TPPP2: variants seen among roughly 807,000 people sequenced by gnomAD.
The protein encoded by TPPP2 is tubulin polymerization-promoting protein family member 2.
In TPPP2, 8 loss-of-function variants were observed where a neutral mutation model predicts 13.0. The observed-to-expected ratio is 0.62, with a 90% confidence interval of 0.36 to 1.11. The LOEUF (loss-of-function observed/expected upper bound fraction) is 1.11. Ranked by LOEUF, TPPP2 falls within the 50% of genes most tolerant of loss-of-function variation. TPPP2 has a pLI of 0.02. For synonymous variants in TPPP2, 81 were observed against 81.8 expected, an observed-to-expected ratio of 0.99 and a Z score of 0.05; for missense variants, 213 against 216.9, an observed-to-expected ratio of 0.98 and a Z score of 0.11.
chr14:21,027,187 G>C (rs1186635621), upstream of TPPP2, among the ~76,000 whole-genome samples: 4 of 152,142 alleles, frequency 2.6e-5, no homozygotes, highest in African/African-American at 4.8e-5. Context: ...CAGAAGTAAG[G>C]CTGGTTCTCC....
chr14:21,031,401 T>G (rs781034623), intron 3 of TPPP2: 36 of 520,952 alleles, frequency 6.9e-5, no homozygotes, highest in Non-Finnish European at 1.0e-4. Flanking sequence ...GTCTAGTATC[T>G]GAGCCAGGCA....
At chr14:21,035,544 T>C (rs1310270575), downstream of TPPP2, among the ~76,000 whole-genome samples, 1 of 152,172 alleles carries the variant, frequency 6.6e-6, no homozygotes, top group East Asian at 1.9e-4. Context: ...TCTTCCAGAT[T>C]TGGGGCCTCC....
chr14:21,032,251 C>T lies in TPPP2; in HGVS notation c.*174C>T. On this transcript the variant is annotated 3_prime_UTR_variant, in exon 4 of 4. Transcript: ENST00000321760. ...GAGGCAGCACAGGAGGGTGGGTTCTCCACCACACACCCTTCGCTCTGCTTA... is the reference window on the plus strand; with the variant it reads ...GAGGCAGCACAGGAGGGTGGGTTCTTCACCACACACCCTTCGCTCTGCTTA... 1 of 719,016 alleles carries T rather than the reference C, an allele frequency of 1.4e-6. No homozygotes were observed. Among genetic ancestry groups the T allele is most frequent in the Admixed American group, 2.0e-5 (1 of 49,508 alleles). 44.5% of individuals were successfully genotyped at this position (719,016 alleles called of 1,614,324 possible).
chr14:21,032,370 CAGATGTGGA>C lies in TPPP2; in HGVS notation c.*294_*302del, dbSNP rs1431334652. 5 of 495,740 alleles carry C rather than the reference CAGATGTGGA, an allele frequency of 1.0e-5. No individual in the cohort carries two copies. In the African/African-American group the frequency reaches 1.2e-4, roughly 12 times the overall value. The allele number at this position is 495,740 out of a possible 1,614,324, so 30.7% of individuals were successfully genotyped here. A position where few individuals can be genotyped will look rare whatever the true frequency, so the allele number is the denominator to read the frequency against. On this transcript the variant is annotated 3_prime_UTR_variant, in exon 4 of 4. Transcript: ENST00000321760. ...ATATATTTGGAGTAAAGAGATGAAC[CAGATGTGGA>C]GGTAAAAGTATCTACTACTTGTGTT...
downstream of TPPP2, chr14:21,034,563 G>T (rs1452575232): frequency 2.5e-5 from 10 of 407,622 alleles, no homozygotes; most frequent in Non-Finnish European, 8.8e-6. Context: ...AGCTCTAACT[G>T]GTCCTTGGGT....
chr14:21,035,214 C>A (rs1884541845), downstream of TPPP2, among the ~76,000 whole-genome samples: 1 of 152,254 alleles, frequency 6.6e-6, no homozygotes, highest in Non-Finnish European at 1.5e-5. Flanking sequence ...CCACAGCCTT[C>A]ACCTGTGACC....
At chr14:21,025,722 C>A, upstream of TPPP2, 3 of 851,368 alleles carry the variant, frequency 3.5e-6, no homozygotes, top group Non-Finnish European at 4.2e-6. The surrounding 1 kb of genome is among the most constrained non-coding windows in gnomAD (Gnocchi z 5.1). Context: ...CCGGCTGCTC[C>A]GGGAGAAGTT....
upstream of TPPP2, chr14:21,025,590 G>A (rs975288952): frequency 2.0e-6 from 2 of 985,336 alleles, no homozygotes; most frequent in African/African-American, 3.5e-5. This position sits in a 1 kb window ranked among gnomAD's most constrained non-coding sequence, Gnocchi z 5.1. Context: ...CGGCTGGCAG[G>A]GGCAGGTGTG....
In TPPP2 at chr14:21,025,058, A is replaced by T. The variant is rs1883161799; in HGVS notation, n.236+714A>T. 7 of 981,208 alleles carry T rather than the reference A, an allele frequency of 7.1e-6. No individual in the cohort carries two copies. Among genetic ancestry groups the T allele is most frequent in the South Asian group, 4.7e-5 (1 of 21,096 alleles). 60.8% of individuals were successfully genotyped at this position (981,208 alleles called of 1,614,324 possible). ...TGCCGCCGCGGCCGCTTCCACCTTC[A>T]CTTGCCTTTGACTCGGGCCCGCCCC... On this transcript the variant is annotated intron_variant and non_coding_transcript_variant, in intron 1 of 1. Coordinates refer to the TPPP2 transcript ENST00000533755. The surrounding 1 kb of genome is among the most constrained non-coding windows in gnomAD (Gnocchi z 5.1).
chr14:21,034,254 T>G (rs973063959), downstream of TPPP2: 4 of 1,613,624 alleles, frequency 2.5e-6, no homozygotes, highest in Non-Finnish European at 3.4e-6. Context: ...CAGAACAAGC[T>G]GGAGGAAAAG....
In TPPP2 at chr14:21,031,079, C is replaced by T. The variant is rs565764016; in HGVS notation, c.241C>T (p.Arg81Cys). ...KEAVKELGQKRFKGKSPDEVL... is the reference protein window; with the variant it reads ...KEAVKELGQKCFKGKSPDEVL... ...GGCAGTGAAGGAACTGGGCCAGAAG[C>T]GCTTCAAAGGGAAGAGTCCAGATGA... The change falls in exon 3 of 4, where the codon CGC becomes TGC. Residue 81 changes from arginine to cysteine, a missense_variant. Physicochemically the swap from Arg to Cys is radical, Grantham distance 180. Coordinates refer to ENST00000321760, the MANE Select transcript of TPPP2 (RefSeq NM_173846.5). 22 of 1,614,124 alleles carry T rather than the reference C, an allele frequency of 1.4e-5. No individual in the cohort carries two copies. The highest frequency in any genetic ancestry group is 1.7e-4 in the Middle Eastern group (1 of 6,060).
downstream of TPPP2, chr14:21,033,142 T>G (rs1306675588): frequency 2.6e-6 from 1 of 377,538 alleles, no homozygotes; most frequent in South Asian, 2.0e-5. Context: ...AAAAAGAGGT[T>G]GGAAAAAGGA....
At chr14:21,025,719 C>A, upstream of TPPP2, 1 of 984,674 alleles carries the variant, frequency 1.0e-6, no homozygotes, top group Non-Finnish European at 1.2e-6. This position sits in a 1 kb window ranked among gnomAD's most constrained non-coding sequence, Gnocchi z 5.1. Flanking sequence ...TCTCCGGCTG[C>A]TCCGGGAGAA....
intron 3 of TPPP2, 196 bp downstream of exon 3, chr14:21,031,361 T>C: frequency 1.6e-6 from 1 of 608,690 alleles, no homozygotes; most frequent in South Asian, 3.3e-5. Context: ...CATGGCTATT[T>C]TAATAGTAGA....
rs1199503766 is a variant in TPPP2 at position 21,032,239 on chromosome 14, A to C, written c.*162A>C. On this transcript the variant is annotated 3_prime_UTR_variant, in exon 4 of 4. Transcript: ENST00000321760. ...AGAGAGGGAGAAGAGGCAGCACAGG[A>C]GGGTGGGTTCTCCACCACACACCCT... is the stretch of plus-strand genomic sequence containing the variant. The C allele has an allele frequency of 2.7e-6, 2 of 752,172 alleles. No individual in the cohort carries two copies. Among genetic ancestry groups the C allele is most frequent in the Non-Finnish European group, 4.6e-6 (2 of 432,214 alleles). 46.6% of individuals were successfully genotyped at this position (752,172 alleles called of 1,614,324 possible). A position where few individuals can be genotyped will look rare whatever the true frequency, so the allele number is the denominator to read the frequency against.
chr14:21,033,694 G>T (rs775077439), downstream of TPPP2: 4 of 734,764 alleles, frequency 5.4e-6, no homozygotes. Context: ...GCACCCACCT[G>T]GTCTCTTGGG....
chr14:21,033,027 G>A (rs1053112385), downstream of TPPP2: 1 of 454,076 alleles, frequency 2.2e-6, no homozygotes, highest in Middle Eastern at 3.3e-4. Context: ...GAGTCTGGGG[G>A]ATTTGGGAGG....
chr14:21,032,970 T>C (rs1884334570), downstream of TPPP2: 2 of 456,066 alleles, frequency 4.4e-6, no homozygotes, highest in Admixed American at 4.7e-5. Context: ...TATGTTCGAT[T>C]AGAGCCGGGC....
chr14:21,026,740 C>G (rs1359644490), upstream of TPPP2, among the ~76,000 whole-genome samples: 1 of 152,058 alleles, frequency 6.6e-6, no homozygotes, highest in Non-Finnish European at 1.5e-5. Context: ...TTCCTTTCTC[C>G]CACTCCCTTT....
Sources: gnomAD v4.1 joint callset for allele counts (sites outside exome capture counted in the v4.1 genomes callset) on GRCh38, gnomAD v4.1.1 for gene constraint, Gnocchi (gnomAD v3.1) non-coding constraint, MANE v1.5 for transcripts, NCBI Gene and HGNC (gene_info 2026-07-23, HGNC 2026-07-21) for gene names.